Variants in BMPR2 observed in about 807,000 individuals in gnomAD.
BMPR2 encodes bone morphogenetic protein receptor type 2.
In BMPR2, 29 loss-of-function variants were observed where a neutral mutation model predicts 100.8. The ratio of observed to expected loss-of-function variants is 0.29; its 90% CI spans 0.21 to 0.39. BMPR2 has a LOEUF of 0.39. Among genes scored for constraint, BMPR2 ranks in the 10% least tolerant of loss-of-function variants. BMPR2 has a pLI of 1.00. For missense variants in BMPR2, 1,011 were observed against 1,274.5 expected (o/e 0.79, Z 3.15); for synonymous variants, 382 against 442.3 (o/e 0.86, Z 1.71).
rs1367143123 is a variant in BMPR2, at chr2:202,565,014, A to C, written c.*5068A>C. ...CAGTGAGCCGAGATCGCGCCAATGCACTCCAGCCTGGGCTACAGAGTGAGA... is the reference window on the plus strand; with the variant it reads ...CAGTGAGCCGAGATCGCGCCAATGCCCTCCAGCCTGGGCTACAGAGTGAGA... On this transcript the variant is annotated 3_prime_UTR_variant, in exon 13 of 13. Coordinates refer to ENST00000374580, the MANE Select transcript of BMPR2 (RefSeq NM_001204.7). 6.6e-6 allele frequency: 1 copy of C among 152,100 alleles called. No homozygotes were observed. Among genetic ancestry groups the C allele is most frequent in the South Asian group, 2.1e-4 (1 of 4,820 alleles). The allele number at this position is 152,100 out of a possible 1,614,324, so 9.4% of individuals were successfully genotyped here.
At chr2:202,398,894 C>T (rs1399908309) in intron 1 of BMPR2, among the ~76,000 whole-genome samples, 1 of 151,964 alleles carries the variant, frequency 6.6e-6, no homozygotes, top group African/African-American at 2.4e-5. Flanking sequence ...TTTGGGAGGC[C>T]GAGGTGGGCA....
chr2:202,519,552 TTC>T (rs1687784230), intron 6 of BMPR2, among the ~76,000 whole-genome samples: 1 of 152,094 alleles, frequency 6.6e-6, no homozygotes, highest in Non-Finnish European at 1.5e-5. Context: ...TCCTCCTTCT[TTC>T]TGTTTTTCTC....
At chr2:202,500,442 G>A (rs1259750030) in intron 3 of BMPR2, among the ~76,000 whole-genome samples, 1 of 152,202 alleles carries the variant, frequency 6.6e-6, no homozygotes, top group Non-Finnish European at 1.5e-5. Flanking sequence ...TTAGCCATTT[G>A]TTGTCCCCTA....
intron 9 of BMPR2, among the ~76,000 whole-genome samples, chr2:202,538,922 A>G (rs924802998): frequency 1.1e-3 from 171 of 152,302 alleles, no homozygotes; most frequent in African/African-American, 4.0e-3. Context: ...AAAATAATAA[A>G]TAAGATGGAA....
At chr2:202,496,476 C>CA (rs1693029801) in intron 3 of BMPR2, among the ~76,000 whole-genome samples, 1 of 150,244 alleles carries the variant, frequency 6.7e-6, no homozygotes, top group Middle Eastern at 3.2e-3. Flanking sequence ...GACCCTGTCT[C>CA]AAAAACAAAA....
intron 3 of BMPR2, among the ~76,000 whole-genome samples, chr2:202,472,533 C>T (rs1692456414): frequency 6.6e-6 from 1 of 152,190 alleles, no homozygotes; most frequent in African/African-American, 2.4e-5. Flanking sequence ...GTGGCGCATG[C>T]CTGTAATCCC....
chr2:202,534,927 C>T (rs1253268696), intron 9 of BMPR2, among the ~76,000 whole-genome samples: 6 of 124,496 alleles, frequency 4.8e-5, no homozygotes, highest in South Asian at 2.5e-4. Context: ...CCCTCCCGGA[C>T]GGGGCGGCTG....
At chr2:202,466,182 T>G (rs781187927) in intron 2 of BMPR2, among the ~76,000 whole-genome samples, 27 of 152,364 alleles carry the variant, frequency 1.8e-4, no homozygotes, top group Middle Eastern at 6.8e-3. Context: ...TATCAATATT[T>G]TAAAGACTGT....
chr2:202,539,988 T>C (rs910623804), intron 9 of BMPR2, among the ~76,000 whole-genome samples: 1 of 152,184 alleles, frequency 6.6e-6, no homozygotes, highest in Non-Finnish European at 1.5e-5. Context: ...TGATGATTTT[T>C]GTCATTAACA....
At chr2:202,522,597 A>G (rs1236268733) in intron 7 of BMPR2, among the ~76,000 whole-genome samples, 1 of 152,096 alleles carries the variant, frequency 6.6e-6, no homozygotes, top group Non-Finnish European at 1.5e-5. Flanking sequence ...TGGGAGGCCG[A>G]GGCAGGTGGA....
At chr2:202,417,515 C>T (rs894856417) in intron 1 of BMPR2, among the ~76,000 whole-genome samples, 1 of 151,646 alleles carries the variant, frequency 6.6e-6, no homozygotes, top group Non-Finnish European at 1.5e-5. Context: ...GTTGGTTAGG[C>T]TGGTCTCAAA....
intron 1 of BMPR2, among the ~76,000 whole-genome samples, chr2:202,462,454 C>T (rs1019068804): frequency 2.0e-5 from 3 of 151,992 alleles, no homozygotes; most frequent in Non-Finnish European, 1.5e-5. Flanking sequence ...CTCCTGACCT[C>T]GTGATCTGCC....
At chr2:202,519,105 T>A in intron 6 of BMPR2, 53 bp downstream of exon 6, 1 of 1,560,618 alleles carries the variant, frequency 6.4e-7, no homozygotes, top group Non-Finnish European at 8.8e-7. Flanking sequence ...CTTATGCCTG[T>A]AATCCCAGCA....
chr2:202,527,238 A>G (rs1687930756), intron 7 of BMPR2, among the ~76,000 whole-genome samples: 1 of 152,206 alleles, frequency 6.6e-6, no homozygotes, highest in African/African-American at 2.4e-5. Context: ...CTGTAATCCC[A>G]GCACTTTGGG....
chr2:202,552,836 A>T lies in BMPR2; in HGVS notation c.1534A>T (p.Lys512Ter). Residue 512 changes from lysine to a stop codon, truncating the protein, a stop_gained, in exon 11 of 13, where the codon AAA becomes TAA. Transcript: ENST00000374580. LOFTEE classifies it high-confidence loss of function. ...AELMMIWERN[K>*]SVSPTVNPMS... ...ACTTATGATGATTTGGGAAAGAAACAAATCTGTGAGCCCAACAGTCAATCC... is the reference window on the plus strand; with the variant it reads ...ACTTATGATGATTTGGGAAAGAAACTAATCTGTGAGCCCAACAGTCAATCC... 2 of 1,614,224 alleles carry T rather than the reference A, an allele frequency of 1.2e-6. No homozygotes were observed. Among genetic ancestry groups the T allele is most frequent in the Non-Finnish European group, 1.7e-6 (2 of 1,180,038 alleles).
intron 9 of BMPR2, among the ~76,000 whole-genome samples, chr2:202,540,244 A>T (rs1485654268): frequency 6.6e-6 from 1 of 151,412 alleles, no homozygotes; most frequent in Non-Finnish European, 1.5e-5. Context: ...TGAAAAAAAA[A>T]TAATAAATAA....
intron 3 of BMPR2, among the ~76,000 whole-genome samples, chr2:202,512,581 G>A (rs1423895064): frequency 6.6e-6 from 1 of 152,168 alleles, no homozygotes; most frequent in Non-Finnish European, 1.5e-5. Flanking sequence ...CAGTTCAGAG[G>A]TCTCAAACCT....
intron 1 of BMPR2, among the ~76,000 whole-genome samples, chr2:202,413,628 A>T (rs928214366): frequency 6.6e-5 from 10 of 152,046 alleles, no homozygotes; most frequent in Non-Finnish European, 1.3e-4. Flanking sequence ...AATATATATT[A>T]CATATTGTTC....
intron 5 of BMPR2, among the ~76,000 whole-genome samples, chr2:202,518,177 G>A (rs552986803): frequency 2.8e-4 from 29 of 103,832 alleles, no homozygotes; most frequent in Non-Finnish European, 4.1e-4. Flanking sequence ...TTGCTCTTTC[G>A]CCCAGGCTGG....
Sources: allele counts gnomAD v4.1 joint callset (sites outside exome capture counted in the v4.1 genomes callset), GRCh38; gene constraint gnomAD v4.1.1; transcripts MANE v1.5; gene names NCBI Gene and HGNC (gene_info 2026-07-23, HGNC 2026-07-21).